The following CHRNA2 variants were observed in gnomAD, a reference collection of about 807,000 sequenced individuals.
CHRNA2 encodes the protein neuronal acetylcholine receptor subunit alpha-2.
In CHRNA2, 40 loss-of-function variants were observed where a neutral mutation model predicts 45.5. That is an observed-to-expected ratio of 0.88 (90% CI 0.68 to 1.15). The LOEUF is 1.15. Ranked by LOEUF, CHRNA2 falls within the 50% of genes most tolerant of loss-of-function variation. The pLI is 0.00. For synonymous variants in CHRNA2, 301 were observed against 296.7 expected, an observed-to-expected ratio of 1.01 and a Z score of -0.15; for missense variants, 655 against 701.7, an observed-to-expected ratio of 0.93 and a Z score of 0.75.
At position 27,469,349 on chromosome 8, in the gene CHRNA2, C is replaced by T. The variant is rs1341647863; in HGVS notation, c.325G>A (p.Val109Ile). The T allele has an allele frequency of 1.2e-5, 18 of 1,556,636 alleles. No individual in the cohort carries two copies. The highest frequency in any genetic ancestry group is 4.7e-5 in the South Asian group (4 of 84,492). The stretch of plus-strand genomic sequence containing the variant: ...GGGGCCCTCACCTGTTTTAGCCAGA[C>T]GTTGGTGGTCATCATTTGGTTCTTC... ...DEKNQMMTTN[V>I]WLKQEWSDYK... is the part of the protein sequence containing the mutation. The change falls in exon 4 of 7, where the codon GTC becomes ATC. Residue 109 changes from valine to isoleucine, a missense_variant. Val to Ile is a conservative substitution (Grantham distance 29). Transcript: ENST00000407991.
rs1279319311 is a variant in CHRNA2, at chr8:27,461,756, T to C, written c.1465-2A>G. 1.9e-6 allele frequency: 3 copies of C among 1,613,934 alleles called. No homozygotes were observed. The highest frequency in any genetic ancestry group is 2.5e-6 in the Non-Finnish European group (3 of 1,179,932). The stretch of plus-strand genomic sequence containing the variant: ...AACATACTTCCAGTCCTCCTTCACC[T>C]GTGGGGAAGACAGCACACAGTGACA... On this transcript the variant is annotated splice_acceptor_variant, in intron 6 of 6. Coordinates refer to ENST00000407991, the MANE Select transcript of CHRNA2 (RefSeq NM_000742.4). LOFTEE classifies it high-confidence loss of function.
Position 27,461,264 on chromosome 8 carries a change from T to G in CHRNA2, c.*365A>C. On this transcript the variant is annotated 3_prime_UTR_variant, in exon 7 of 7. Transcript: ENST00000407991. ...TGCCCCCACGGCCCCTCCTTTGAGG[T>G]CTGCATTCCCTTCCTCGTCACCCTG... The G allele has an allele frequency of 3.6e-6, 1 of 275,618 alleles. No individual in the cohort carries two copies. Among genetic ancestry groups the G allele is most frequent in the South Asian group, 4.9e-5 (1 of 20,446 alleles). 17.1% of individuals were successfully genotyped at this position (275,618 alleles called of 1,614,324 possible). A position where few individuals can be genotyped will look rare whatever the true frequency, so the allele number is the denominator to read the frequency against.
At chr8:27,470,319 C>T (rs990804293) in intron 2 of CHRNA2, among the ~76,000 whole-genome samples, 4 of 152,208 alleles carry the variant, frequency 2.6e-5, no homozygotes, top group Middle Eastern at 3.4e-3. Context: ...GCCTGGTCTA[C>T]GTGGCGGGGC....
At chr8:27,477,853 G>A (rs2132685747) in intron 1 of CHRNA2, among the ~76,000 whole-genome samples, 1 of 152,244 alleles carries the variant, frequency 6.6e-6, no homozygotes, top group South Asian at 2.1e-4. Flanking sequence ...TACGTAAAGT[G>A]CTCGGACATC....
At chr8:27,478,140 A>G (rs1278829379) in intron 1 of CHRNA2, among the ~76,000 whole-genome samples, 3 of 152,166 alleles carry the variant, frequency 2.0e-5, no homozygotes, top group Non-Finnish European at 4.4e-5. Flanking sequence ...GAACCTCCCC[A>G]AGCATACAGG....
At chr8:27,477,547 T>C (rs149532753) in intron 1 of CHRNA2, among the ~76,000 whole-genome samples, 2 of 152,328 alleles carry the variant, frequency 1.3e-5, no homozygotes, top group East Asian at 1.9e-4. Context: ...CTAGAGGATG[T>C]ATTCCCAGCA....
At position 27,463,956 on chromosome 8, in the gene CHRNA2, C is replaced by T; in HGVS notation, c.487G>A (p.Ala163Thr). ...ACAGTGCCCGTGGAGAAGAGGTGGGCCTTGGTCATGTGGGTCACTGCAAAC... is the reference window on the plus strand; with the variant it reads ...ACAGTGCCCGTGGAGAAGAGGTGGGTCTTGGTCATGTGGGTCACTGCAAAC... ...GEFAVTHMTK[A>T]HLFSTGTVHW... The change falls in exon 6 of 7, where the codon GCC becomes ACC. Residue 163 changes from alanine to threonine, a missense_variant. Physicochemically the swap from Ala to Thr is moderately conservative, Grantham distance 58. This residue lies in a region of CHRNA2 where 323 missense variants were observed against 354.4 expected (regional missense o/e 0.91). Coordinates refer to ENST00000407991, the MANE Select transcript of CHRNA2 (RefSeq NM_000742.4). This position sits in a 1 kb window ranked among gnomAD's most constrained non-coding sequence, Gnocchi z 6.1. 1 of 1,614,124 alleles carries T rather than the reference C, an allele frequency of 6.2e-7. No individual in the cohort carries two copies. Among genetic ancestry groups the T allele is most frequent in the Non-Finnish European group, 8.5e-7 (1 of 1,180,012 alleles).
intron 1 of CHRNA2, among the ~76,000 whole-genome samples, chr8:27,472,564 C>T (rs148197618): frequency 6.6e-6 from 1 of 152,262 alleles, no homozygotes; most frequent in Non-Finnish European, 1.5e-5. Context: ...TTTTCCTACA[C>T]ATTGTATGAT....
intron 1 of CHRNA2, among the ~76,000 whole-genome samples, chr8:27,473,530 C>CCG (rs1554516133): frequency 1.2e-4 from 14 of 120,762 alleles, no homozygotes; most frequent in Admixed American, 7.3e-4. Context: ...TGAGACCCCC[C>CCG]CCGCCGTCTC....
In CHRNA2 at chr8:27,461,417, C is replaced by T. The variant is rs752061425; in HGVS notation, c.*212G>A. 1.8e-5 allele frequency: 12 copies of T among 648,814 alleles called. No individual in the cohort carries two copies. Among genetic ancestry groups the T allele is most frequent in the East Asian group, 1.7e-4 (6 of 34,940 alleles). The allele number at this position is 648,814 out of a possible 1,614,324, so 40.2% of individuals were successfully genotyped here. A position where few individuals can be genotyped will look rare whatever the true frequency, so the allele number is the denominator to read the frequency against. On this transcript the variant is annotated 3_prime_UTR_variant, in exon 7 of 7. Transcript: ENST00000407991. ...TTCTGCAGAGCTTCCCCAGCTCCTC[C>T]GTATCCAAAACAGGGCTTTGCACCC...
rs1812824307 is a variant in CHRNA2, at chr8:27,469,950, C to A, written c.105G>T (p.Arg35Ser). The A allele has an allele frequency of 6.2e-7, 1 of 1,613,946 alleles. No homozygotes were observed. The highest frequency in any genetic ancestry group is 8.5e-7 in the Non-Finnish European group (1 of 1,180,010). Reference protein sequence around the residue: ...GGEEAKRPPPRAPGDPLSSPS... With the variant: ...GGEEAKRPPPSAPGDPLSSPS... The stretch of plus-strand genomic sequence containing the variant: ...GAGAGGAGAGTGGGTCTCCAGGAGC[C>A]CTGGGAGGTGGGCGCTTAGCTTCCT... Residue 35 changes from arginine to serine, a missense_variant, in exon 3 of 7, where the codon AGG (arginine) becomes AGT (serine). Coordinates refer to ENST00000407991, the MANE Select transcript of CHRNA2 (RefSeq NM_000742.4).
intron 5 of CHRNA2, among the ~76,000 whole-genome samples, chr8:27,465,430 AGTT>A (rs1162377026): frequency 3.0e-4 from 42 of 142,240 alleles, no homozygotes; most frequent in African/African-American, 1.2e-3. Context: ...TTGAGACAAA[AGTT>A]AAAAAAAATT....
At chr8:27,469,634 T>A in intron 3 of CHRNA2, 127 bp downstream of exon 3, 1 of 1,252,128 alleles carries the variant, frequency 8.0e-7, no homozygotes, top group Non-Finnish European at 1.2e-6. Context: ...GGAAGAGCCA[T>A]CCCCAACCCC....
chr8:27,473,305 A>G (rs1812948544), intron 1 of CHRNA2, among the ~76,000 whole-genome samples: 1 of 152,166 alleles, frequency 6.6e-6, no homozygotes, highest in Non-Finnish European at 1.5e-5. Context: ...ACGGCTGCAC[A>G]CTGTTCGAAT....
In CHRNA2 at chr8:27,461,871, A is replaced by G. The variant is rs1176669307; in HGVS notation, c.1465-117T>C. The G allele has an allele frequency of 2.8e-6, 4 of 1,440,162 alleles. No individual in the cohort carries two copies. The East Asian group carries it at 9.1e-5, about 33-fold the overall frequency. 89.2% of individuals were successfully genotyped at this position (1,440,162 alleles called of 1,614,324 possible). On this transcript the variant is annotated intron_variant, in intron 6 of 6. Coordinates refer to ENST00000407991, the MANE Select transcript of CHRNA2 (RefSeq NM_000742.4). ...GGGCAGCAGCAACTGCCCCACAGAG[A>G]CCTTGGGGAGCAAAGGTCAGCACAG...
At position 27,463,550 on chromosome 8, in the gene CHRNA2, G is replaced by A. The variant is rs772635760; in HGVS notation, c.893C>T (p.Thr298Met). 3.1e-6 allele frequency: 5 copies of A among 1,614,118 alleles called. No homozygotes were observed. The highest frequency in any genetic ancestry group is 4.2e-6 in the Non-Finnish European group (5 of 1,180,052). The change falls in exon 6 of 7, where the codon ACG becomes ATG. Residue 298 changes from threonine (T) to methionine (M), a missense_variant. Transcript: ENST00000407991. This position sits in a 1 kb window ranked among gnomAD's most constrained non-coding sequence, Gnocchi z 6.1. Reference sequence around the variant, plus strand: ...TGACAGCAGCACCGAAATGCACAGCGTGATCTTCTCGCCGCAGTCGGAGGG... The same window carrying A: ...TGACAGCAGCACCGAAATGCACAGCATGATCTTCTCGCCGCAGTCGGAGGG... ...YLPSDCGEKI[T>M]LCISVLLSLT...
At chr8:27,472,867 C>T (rs10104133) in intron 1 of CHRNA2, among the ~76,000 whole-genome samples, 1,906 of 152,228 alleles carry the variant, frequency 0.013, 38 homozygotes, top group African/African-American at 0.043. Context: ...GATTAAGAAG[C>T]AGCAGCTACC....
Position 27,469,968 on chromosome 8 carries a change from A to G in CHRNA2, c.87T>C (p.Ala29=). 6.2e-7 allele frequency: 1 copy of G among 1,613,360 alleles called. No individual in the cohort carries two copies. Among genetic ancestry groups the G allele is most frequent in the Non-Finnish European group, 8.5e-7 (1 of 1,179,852 alleles). ...LLLTPAGGEE[A]KRPPPRAPGD... ...CAGGAGCCCTGGGAGGTGGGCGCTTAGCTTCCTCTCCACCTGCCATCAAAT... is the reference window on the plus strand; with the variant it reads ...CAGGAGCCCTGGGAGGTGGGCGCTTGGCTTCCTCTCCACCTGCCATCAAAT... Residue 29 remains alanine, a synonymous_variant, in exon 3 of 7, where the codon GCT becomes GCC. Coordinates refer to ENST00000407991, the MANE Select transcript of CHRNA2 (RefSeq NM_000742.4).
In CHRNA2 at chr8:27,471,008, C is replaced by A. The variant is rs768151492; in HGVS notation, c.51G>T (p.Trp17Cys). The A allele has an allele frequency of 1.8e-5, 29 of 1,614,158 alleles. No individual in the cohort carries two copies. The South Asian group carries it at 3.1e-4, about 17-fold the overall frequency. ...CACCTGCTGGGGTCAGAAGGAGCCA[C>A]CACAGGCTGAGCTTTGTGAAGGACA... ...VFLSFTKLSL[W>C]WLLLTPAGGE... Residue 17 changes from tryptophan (W) to cysteine (C), a missense_variant, in exon 2 of 7, where the codon TGG becomes TGT. By Grantham distance (215) the Trp-to-Cys change is radical. This residue lies in a region of CHRNA2 where 323 missense variants were observed against 354.4 expected (regional missense o/e 0.91). Transcript: ENST00000407991.
Sources: allele counts gnomAD v4.1 joint callset (sites outside exome capture counted in the v4.1 genomes callset), GRCh38; gene constraint gnomAD v4.1.1; regional missense constraint gnomAD v4.1.1; non-coding constraint Gnocchi (gnomAD v3.1); transcripts MANE v1.5; gene names NCBI Gene and HGNC (gene_info 2026-07-23, HGNC 2026-07-21).